The following LGI1 variants were observed in gnomAD, a reference collection of about 807,000 sequenced individuals.
LGI1 encodes the protein leucine rich glioma inactivated 1.
A neutral mutation model predicts 57.7 loss-of-function variants in LGI1; 11 were observed. The ratio of observed to expected loss-of-function variants is 0.19; its 90% confidence interval spans 0.12 to 0.32. The LOEUF is 0.32. LGI1 is among the 10% of genes least tolerant of loss of function. The pLI is 1.00. For missense variants in LGI1, 422 were observed against 661.9 expected (o/e 0.64, Z 3.98); for synonymous variants, 222 against 241.9 (o/e 0.92, Z 0.76).
In LGI1 at chr10:93,790,105, T is replaced by G. The variant is rs748538032; in HGVS notation, c.438T>G (p.Leu146=). 7 of 1,590,880 alleles carry G rather than the reference T, an allele frequency of 4.4e-6. No homozygotes were observed. In the African/African-American group the frequency reaches 9.6e-5, roughly 22 times the overall value. Residue 146 remains leucine (L), a synonymous_variant, in exon 5 of 8, where the codon CTT becomes CTG. Transcript: ENST00000371418. ...TTTTTTTTTTTTTTTCCAGGAGCCT[T>G]GCAAACAACAATCTCCAGACACTCC... ...RGLKSLIHLS[L]ANNNLQTLPK...
intron 2 of LGI1, among the ~76,000 whole-genome samples, chr10:93,773,060 A>T (rs1324000827): frequency 6.6e-6 from 1 of 151,870 alleles, no homozygotes; most frequent in Non-Finnish European, 1.5e-5. Context: ...AGCCTGTGTG[A>T]CAGAGCGAGA....
chr10:93,762,708 A>G (rs1397633657), intron 2 of LGI1: 3 of 152,200 alleles, frequency 2.0e-5, no homozygotes, highest in Non-Finnish European at 4.4e-5. Flanking sequence ...AGTTTGCCCA[A>G]TGATCCATAG....
chr10:93,767,529 C>T (rs757193112), intron 2 of LGI1: 3 of 152,188 alleles, frequency 2.0e-5, no homozygotes, highest in Non-Finnish European at 4.4e-5. Flanking sequence ...GAAATATATG[C>T]ATGTGATAAT....
At chr10:93,795,673 T>C (rs1015866105) in intron 7 of LGI1, among the ~76,000 whole-genome samples, 1 of 152,184 alleles carries the variant, frequency 6.6e-6, no homozygotes, top group African/African-American at 2.4e-5. Context: ...ATCTTTCATG[T>C]AGAGTGCAGA....
At chr10:93,778,764 T>C (rs938795214) in intron 4 of LGI1, 1 of 152,206 alleles carries the variant, frequency 6.6e-6, no homozygotes, top group Non-Finnish European at 1.5e-5. Flanking sequence ...ACCTGTTCTC[T>C]CATCATACTT....
At position 93,783,236 on chromosome 10, in the gene LGI1, C is replaced by T. The variant is rs377172932; in HGVS notation, c.431+5619C>T. 2.4e-4 allele frequency among the ~76,000 whole-genome samples: 37 copies of T among 152,122 alleles called. 1 individual carries two copies. In the East Asian group the frequency reaches 4.9e-3, roughly 20 times the overall value. The stretch of plus-strand genomic sequence containing the variant: ...CTAAAAATACAAAAAATTAGCTGGG[C>T]GTGGTGGCGGGCGCCTGTAGTCCCA... On this transcript the variant is annotated intron_variant, in intron 4 of 7. Coordinates refer to ENST00000371418, the MANE Select transcript of LGI1 (RefSeq NM_005097.4).
At chr10:93,766,496 A>G (rs967932164) in intron 2 of LGI1, among the ~76,000 whole-genome samples, 2 of 138,980 alleles carry the variant, frequency 1.4e-5, no homozygotes, top group Non-Finnish European at 3.1e-5. Context: ...CTTGGTGCTA[A>G]GCATTTTATA....
At position 93,758,394 on chromosome 10, in the gene LGI1, G is replaced by C. The variant is rs759820733; in HGVS notation, c.215+35G>C. On this transcript the variant is annotated intron_variant, in intron 1 of 7. Coordinates refer to ENST00000371418, the MANE Select transcript of LGI1 (RefSeq NM_005097.4). This position sits in a 1 kb window ranked among gnomAD's most constrained non-coding sequence, Gnocchi z 4.7. Reference sequence around the variant, plus strand: ...GTAAGCATTTTGATATCTAATTTACGATTTAAAAATTCCAGCCGGTGGATT... The same window carrying C: ...GTAAGCATTTTGATATCTAATTTACCATTTAAAAATTCCAGCCGGTGGATT... 1 of 1,596,948 alleles carries C rather than the reference G, an allele frequency of 6.3e-7. No homozygotes were observed. Among genetic ancestry groups the C allele is most frequent in the South Asian group, 1.1e-5 (1 of 90,718 alleles).
intron 4 of LGI1, among the ~76,000 whole-genome samples, chr10:93,781,829 C>T (rs1207346450): frequency 6.6e-6 from 1 of 151,972 alleles, no homozygotes; most frequent in African/African-American, 2.4e-5. Context: ...TGGCTAAGGC[C>T]CAGTGGAGCC....
chr10:93,794,242 C>G (rs1322895866), intron 7 of LGI1: 1 of 151,790 alleles, frequency 6.6e-6, no homozygotes, highest in Non-Finnish European at 1.5e-5. Flanking sequence ...TGGTATTGAA[C>G]TCCTGACCTC....
intron 4 of LGI1, among the ~76,000 whole-genome samples, chr10:93,786,773 T>C (rs1213027067): frequency 6.6e-6 from 1 of 152,222 alleles, no homozygotes. Flanking sequence ...TTTGTATTTT[T>C]CGCAGACAGA....
At chr10:93,784,176 T>G (rs953735922) in intron 4 of LGI1, among the ~76,000 whole-genome samples, 3 of 152,112 alleles carry the variant, frequency 2.0e-5, no homozygotes, top group African/African-American at 7.2e-5. Flanking sequence ...TCCTCAAGTC[T>G]CTCATTGACT....
chr10:93,778,532 G>T (rs764207813), intron 4 of LGI1, among the ~76,000 whole-genome samples: 1 of 152,100 alleles, frequency 6.6e-6, no homozygotes, highest in Non-Finnish European at 1.5e-5. Flanking sequence ...TGCCAAACAG[G>T]CACAATAATC....
chr10:93,784,402 A>G (rs1223100102), intron 4 of LGI1, among the ~76,000 whole-genome samples: 2 of 152,242 alleles, frequency 1.3e-5, no homozygotes, highest in Non-Finnish European at 2.9e-5. Flanking sequence ...ATTTAAGAGC[A>G]AGAATAGGAC....
chr10:93,796,874 G>T lies in LGI1; in HGVS notation c.839-94G>T, dbSNP rs1010982441. 4 of 1,013,410 alleles carry T rather than the reference G, an allele frequency of 3.9e-6. No homozygotes were observed. The East Asian group carries it at 9.6e-5, about 24-fold the overall frequency. The allele number at this position is 1,013,410 out of a possible 1,614,324, so 62.8% of individuals were successfully genotyped here. A position where few individuals can be genotyped will look rare whatever the true frequency, so the allele number is the denominator to read the frequency against. ...CCAAGGAGATCTCTTGTTTCAGGCT[G>T]ATTTGGGTGGAAGTTGTATGGCCCC... On this transcript the variant is annotated intron_variant, in intron 7 of 7. Transcript: ENST00000371418.
At chr10:93,773,939 C>T (rs1564843571) in intron 2 of LGI1, among the ~76,000 whole-genome samples, 1 of 152,200 alleles carries the variant, frequency 6.6e-6, no homozygotes, top group African/African-American at 2.4e-5. Flanking sequence ...ATCTGTGGCT[C>T]AGAGTAACGA....
chr10:93,786,271 T>C lies in LGI1; in HGVS notation c.432-3828T>C, dbSNP rs561754329. ...AGTTCGGTAATTCCTAATCTAACCC[T>C]GTAGGTAGCTTTGGAACTTGACAAA... On this transcript the variant is annotated intron_variant, in intron 4 of 7. Transcript: ENST00000371418. Among the ~76,000 whole-genome samples the C allele has an allele frequency of 4.9e-4, 23 of 47,258 alleles. 11 individuals carry two copies. The South Asian group carries it at 0.032, about 66-fold the overall frequency. The allele number at this position is 47,258 out of a possible 152,430, so 31.0% of individuals were successfully genotyped here. A position where few individuals can be genotyped will look rare whatever the true frequency, so the allele number is the denominator to read the frequency against.
At chr10:93,794,923 G>C (rs2059967346) in intron 7 of LGI1, 1 of 152,136 alleles carries the variant, frequency 6.6e-6, no homozygotes, top group Admixed American at 6.5e-5. Flanking sequence ...GGGCTTGCTT[G>C]AGGCTGGGGT....
chr10:93,796,557 G>C (rs1429198958), intron 7 of LGI1, among the ~76,000 whole-genome samples: 1 of 152,184 alleles, frequency 6.6e-6, no homozygotes, highest in African/African-American at 2.4e-5. Context: ...TCTTAAGATT[G>C]TTGGGAAAAT....
Sources: allele counts gnomAD v4.1 joint callset (sites outside exome capture counted in the v4.1 genomes callset), GRCh38; gene constraint gnomAD v4.1.1; non-coding constraint Gnocchi (gnomAD v3.1); transcripts MANE v1.5; gene names NCBI Gene and HGNC (gene_info 2026-07-23, HGNC 2026-07-21).